Variants in PASK observed in about 807,000 individuals in gnomAD.
PASK encodes the protein PAS domain-containing serine/threonine-protein kinase.
PASK carries 110 observed loss-of-function variants against 121.0 expected under a neutral mutation model. The observed-to-expected ratio is 0.91, with a 90% CI of 0.78 to 1.06. PASK has a LOEUF of 1.06. PASK is among the 50% of genes least tolerant of loss of function. The pLI, the probability that PASK is intolerant of heterozygous loss-of-function variation, is 0.00. For synonymous variants in PASK, 686 were observed against 717.8 expected (o/e 0.96, Z 0.71); for missense variants, 1,643 against 1,702.3 (o/e 0.97, Z 0.61).
Position 241,143,053 on chromosome 2 carries a change from G to A in PASK, c.-21C>T. Reference sequence around the variant, plus strand: ...TCCATGGGAAGAAGGGAGGCCAACTGCCAAGCTTCCAACTCTAACAACTAG... The same window carrying A: ...TCCATGGGAAGAAGGGAGGCCAACTACCAAGCTTCCAACTCTAACAACTAG... On this transcript the variant is annotated 5_prime_UTR_variant, in exon 2 of 18. Transcript: ENST00000234040. The A allele has an allele frequency of 1.9e-6, 3 of 1,588,384 alleles. No homozygotes were observed. The highest frequency in any genetic ancestry group is 2.6e-6 in the Non-Finnish European group (3 of 1,156,994).
At chr2:241,138,483 C>A (rs1031280683) in intron 5 of PASK, among the ~76,000 whole-genome samples, 171 bp downstream of exon 5, 7 of 152,222 alleles carry the variant, frequency 4.6e-5, no homozygotes, top group African/African-American at 1.7e-4. Flanking sequence ...ATAGGAAGTT[C>A]GTTCCCTGCC....
chr2:241,119,673 T>C (rs1050746591), intron 12 of PASK, among the ~76,000 whole-genome samples: 2 of 152,154 alleles, frequency 1.3e-5, no homozygotes. Flanking sequence ...GGTTTCACCG[T>C]GTTAGCCAGG....
rs377122334 is a variant in PASK at position 241,137,020 on chromosome 2, G to A, written c.1121C>T (p.Thr374Met). The A allele has an allele frequency of 9.8e-5, 158 of 1,613,198 alleles. No homozygotes were observed. The highest frequency in any genetic ancestry group is 1.1e-4 in the Non-Finnish European group (130 of 1,179,944). ...FALTLFGYGK[T>M]ELLGKNITFL... is the part of the protein sequence containing the mutation. ...CAGCCCCACCTTGCCCAGGAGCTCC[G>A]TCTTTCCGTAACCAAACAGTGTCAG... The change falls in exon 7 of 18, where the codon ACG (threonine) becomes ATG (methionine). Residue 374 changes from threonine (T) to methionine (M), a missense_variant. Coordinates refer to ENST00000234040, the MANE Select transcript of PASK (RefSeq NM_015148.4).
At chr2:241,124,294 G>A (rs1013488550) in intron 10 of PASK, among the ~76,000 whole-genome samples, 161 bp from the exon 11 acceptor site, 1 of 152,216 alleles carries the variant, frequency 6.6e-6, no homozygotes, top group African/African-American at 2.4e-5. Context: ...AGCAGCCCAG[G>A]CAGAGGCAGG....
rs1005294733 is a variant in PASK, at chr2:241,128,521, G to A, written c.1464-1070C>T. Among the ~76,000 whole-genome samples, 16 of 152,140 alleles carry A rather than the reference G, an allele frequency of 1.1e-4. 1 individual carries two copies. The highest frequency in any genetic ancestry group is 3.9e-4 in the African/African-American group (16 of 41,428). On this transcript the variant is annotated intron_variant, in intron 9 of 17. Coordinates refer to ENST00000234040, the MANE Select transcript of PASK (RefSeq NM_015148.4). ...GGCACCAGATGCACAGAATGTGACC[G>A]CACCACCTCACTCGGGGACAGACAC...
Position 241,126,868 on chromosome 2 carries a change from C to A in PASK, c.2047G>T (p.Val683Phe), listed in dbSNP as rs773268908. Residue 683 changes from valine to phenylalanine, a missense_variant, in exon 10 of 18, where the codon GTT becomes TTT. Physicochemically the swap from Val to Phe is conservative, Grantham distance 50. Transcript: ENST00000234040. ...GALDVPHAEL[V>F]PTECQAVTAP... ...GTGACAGCCTGGCACTCTGTCGGAA[C>A]GAGTTCGGCGTGGGGGACATCCAGG... 2 of 1,612,810 alleles carry A rather than the reference C, an allele frequency of 1.2e-6. No homozygotes were observed. The highest frequency in any genetic ancestry group is 4.5e-5 in the East Asian group (2 of 44,858).
intron 12 of PASK, among the ~76,000 whole-genome samples, chr2:241,120,666 G>C (rs1406312436): frequency 6.6e-6 from 1 of 152,140 alleles, no homozygotes; most frequent in African/African-American, 2.4e-5. Context: ...GAAATGAAAA[G>C]ACAATAATAA....
At chr2:241,119,539 G>A (rs7593669) in intron 12 of PASK, among the ~76,000 whole-genome samples, 12 of 148,764 alleles carry the variant, frequency 8.1e-5, no homozygotes, top group Non-Finnish European at 1.0e-4. Context: ...GCGCAATCTC[G>A]GCTCACTGCA....
intron 9 of PASK, among the ~76,000 whole-genome samples, chr2:241,129,869 C>G (rs2066045532): frequency 6.6e-6 from 1 of 151,218 alleles, no homozygotes. Flanking sequence ...CAGGACCTGA[C>G]CCCCGTGGAG....
chr2:241,145,534 A>C (rs937749326), intron 1 of PASK, among the ~76,000 whole-genome samples: 2 of 152,120 alleles, frequency 1.3e-5, no homozygotes, highest in African/African-American at 4.8e-5. Context: ...GGGTAGGGAA[A>C]GTTTTCTTAA....
Position 241,140,516 on chromosome 2 carries a change from A to G in PASK, c.429+5T>C. On this transcript the variant is annotated splice_donor_5th_base_variant and intron_variant, in intron 3 of 17. Coordinates refer to ENST00000234040, the MANE Select transcript of PASK (RefSeq NM_015148.4). Reference sequence around the variant, plus strand: ...CACAGCTGGATCTAAAAGAGAAGCAAATACCTCTGTGGTCTTGGCATCCAC... The same window carrying G: ...CACAGCTGGATCTAAAAGAGAAGCAGATACCTCTGTGGTCTTGGCATCCAC... The G allele has an allele frequency of 6.3e-7, 1 of 1,589,864 alleles. No homozygotes were observed.
chr2:241,118,937 T>C (rs2125414369), intron 12 of PASK: 2 of 1,032,860 alleles, frequency 1.9e-6, no homozygotes, highest in South Asian at 4.3e-5. Flanking sequence ...AGCACCCCAG[T>C]GAGTAAGCTG....
rs188918520 is a variant in PASK, at chr2:241,107,323, G to A, written c.3814+30C>T. On this transcript the variant is annotated intron_variant, in intron 17 of 17. Transcript: ENST00000234040. ...ACCTCGTTATTCCAAGTGAAGTCATGTGGGGTGGAGGGATGCTGAGAAGCC... is the reference window on the plus strand; with the variant it reads ...ACCTCGTTATTCCAAGTGAAGTCATATGGGGTGGAGGGATGCTGAGAAGCC... The A allele has an allele frequency of 3.0e-4, 486 of 1,603,784 alleles. 1 individual carries two copies. In the African/African-American group the frequency reaches 5.7e-3, roughly 19 times the overall value.
intron 1 of PASK, among the ~76,000 whole-genome samples, chr2:241,148,286 G>C (rs1393793874): frequency 6.6e-6 from 1 of 152,030 alleles, no homozygotes; most frequent in Non-Finnish European, 1.5e-5. Context: ...GCATCTCGGC[G>C]AACTTCTAGA....
chr2:241,121,119 T>C (rs550008928), intron 12 of PASK, among the ~76,000 whole-genome samples: 28 of 152,298 alleles, frequency 1.8e-4, no homozygotes, highest in African/African-American at 4.8e-4. Flanking sequence ...GTGTCCAGAA[T>C]AGGCAAATCT....
intron 9 of PASK, among the ~76,000 whole-genome samples, chr2:241,130,506 G>A (rs1013744930): frequency 1.3e-5 from 2 of 152,120 alleles, no homozygotes; most frequent in Non-Finnish European, 2.9e-5. Flanking sequence ...TAGTGCTGTT[G>A]AGCACCCACG....
At chr2:241,122,661 G>T in intron 12 of PASK, 71 bp downstream of exon 12, 2 of 1,456,920 alleles carry the variant, frequency 1.4e-6, no homozygotes, top group Non-Finnish European at 1.9e-6. Flanking sequence ...CCAGGTTTGA[G>T]AACTGGGACC....
chr2:241,123,650 C>A (rs2065724499), intron 11 of PASK, among the ~76,000 whole-genome samples: 1 of 151,924 alleles, frequency 6.6e-6, no homozygotes, highest in African/African-American at 2.4e-5. Context: ...GAAACCCAGT[C>A]TCTACTAAAA....
rs61733883 is a variant in PASK, at chr2:241,138,679, G to A, written c.716C>T (p.Ser239Leu). Residue 239 changes from serine to leucine, a missense_variant, in exon 5 of 18, where the codon TCG (serine) becomes TTG (leucine). Coordinates refer to ENST00000234040, the MANE Select transcript of PASK (RefSeq NM_015148.4). ...VVVLEPVERV[S>L]TWVAFQSDGT... Reference sequence around the variant, plus strand: ...ATCGCTCTGGAAAGCGACCCAGGTCGAGACCCTCTCCACGGGCTCCAGGAC... The same window carrying A: ...ATCGCTCTGGAAAGCGACCCAGGTCAAGACCCTCTCCACGGGCTCCAGGAC... 752 of 1,614,078 alleles carry A rather than the reference G, an allele frequency of 4.7e-4. 10 individuals carry two copies. The African/African-American group carries it at 8.8e-3, about 19-fold the overall frequency.
Sources: gnomAD v4.1 joint callset for allele counts (sites outside exome capture counted in the v4.1 genomes callset) on GRCh38, gnomAD v4.1.1 for gene constraint, MANE v1.5 for transcripts, NCBI Gene and HGNC (gene_info 2026-07-23, HGNC 2026-07-21) for gene names.